Variants in EYS observed in about 807,000 individuals in gnomAD.
The protein encoded by EYS is EGF-like photoreceptor maintenance factor, also known as protein eyes shut homolog.
In EYS, 250 loss-of-function variants were observed where a neutral mutation model predicts 282.1. The ratio of observed to expected loss-of-function variants is 0.89; its 90% CI spans 0.80 to 0.98. The LOEUF (loss-of-function observed/expected upper bound fraction) is 0.98, where lower values mean the gene tolerates loss of function less well. EYS is among the 50% of genes least tolerant of loss of function. The pLI, the probability that EYS is intolerant of heterozygous loss-of-function variation, is 0.00. For missense variants in EYS, 4,016 were observed against 3,709.0 expected (o/e 1.08, Z -2.15); for synonymous variants, 1,355 against 1,282.9 (o/e 1.06, Z -1.20).
chr6:65,706,687 T>A (rs996993949), intron 1 of EYS, among the ~76,000 whole-genome samples: 1 of 152,122 alleles, frequency 6.6e-6, no homozygotes, highest in Admixed American at 6.6e-5. Flanking sequence ...AGTATGAGTA[T>A]CTCTAGATTT....
intron 15 of EYS, among the ~76,000 whole-genome samples, chr6:64,927,691 A>G (rs1219975767): frequency 1.3e-5 from 2 of 152,100 alleles, no homozygotes; most frequent in African/African-American, 4.8e-5. Flanking sequence ...TTGAAAAGCC[A>G]ACTGATCTAT....
chr6:65,354,702 G>A (rs979297116), intron 8 of EYS, among the ~76,000 whole-genome samples: 23 of 151,822 alleles, frequency 1.5e-4, no homozygotes, highest in African/African-American at 4.8e-4. Context: ...CTGTAATCCC[G>A]CCTACTCTGG....
intron 5 of EYS, among the ~76,000 whole-genome samples, chr6:65,421,894 C>A (rs550450823): frequency 6.6e-6 from 1 of 151,864 alleles, no homozygotes; most frequent in East Asian, 1.9e-4. Flanking sequence ...TGGTGGTGTT[C>A]CAAAGCAATT....
intron 36 of EYS, among the ~76,000 whole-genome samples, chr6:63,831,753 C>T (rs142174906): frequency 0.027 from 4,066 of 152,268 alleles, 60 homozygotes; most frequent in South Asian, 0.036. Context: ...CCCAAATCAA[C>T]AGAATATACA....
At chr6:63,733,656 A>G (rs1014806260) in intron 41 of EYS, among the ~76,000 whole-genome samples, 4 of 152,174 alleles carry the variant, frequency 2.6e-5, no homozygotes, top group African/African-American at 9.7e-5. Context: ...AGACAAAGGA[A>G]AGTTTATTAC....
intron 22 of EYS, among the ~76,000 whole-genome samples, chr6:64,803,642 G>A (rs12523929): frequency 0.45 from 68,362 of 152,012 alleles, 16,860 homozygotes; most frequent in Admixed American, 0.63. Context: ...GTGGAGGGGC[G>A]TCTGCAGGTC....
chr6:65,295,650 C>G, intron 12 of EYS: 1 of 549,802 alleles, frequency 1.8e-6, no homozygotes, highest in Non-Finnish European at 3.2e-6. Flanking sequence ...GTCTTATTTG[C>G]ATGAGCAAGG....
chr6:64,504,801 G>A (rs1363327811), intron 26 of EYS, among the ~76,000 whole-genome samples: 1 of 152,174 alleles, frequency 6.6e-6, no homozygotes, highest in Non-Finnish European at 1.5e-5. Flanking sequence ...GAAGTTCCAT[G>A]TGGCTAGTAA....
chr6:64,960,656 C>A (rs1344848162), intron 14 of EYS, among the ~76,000 whole-genome samples: 3 of 152,072 alleles, frequency 2.0e-5, no homozygotes, highest in Non-Finnish European at 4.4e-5. Flanking sequence ...TTCTTTTTAA[C>A]TTTTATATTA....
At chr6:65,241,147 T>C (rs550244652) in intron 12 of EYS, among the ~76,000 whole-genome samples, 1 of 152,184 alleles carries the variant, frequency 6.6e-6, no homozygotes, top group African/African-American at 2.4e-5. Context: ...AGATCTTATA[T>C]ATAGTTATTT....
At chr6:65,247,760 A>T (rs1341265579) in intron 12 of EYS, among the ~76,000 whole-genome samples, 1 of 152,082 alleles carries the variant, frequency 6.6e-6, no homozygotes, top group African/African-American at 2.4e-5. Context: ...ATCACTCCAA[A>T]TTATTTTTGT....
Position 64,059,427 on chromosome 6 carries a change from T to C in EYS, c.6725+6911A>G, listed in dbSNP as rs186001011. On this transcript the variant is annotated intron_variant, in intron 33 of 42. Coordinates refer to ENST00000503581, the MANE Select transcript of EYS (RefSeq NM_001142800.2). Reference sequence around the variant, plus strand: ...TTACAGAGTCAAGTCACTTCAAATATGTTTTTTAAACATCAAACTGGCTGG... The same window carrying C: ...TTACAGAGTCAAGTCACTTCAAATACGTTTTTTAAACATCAAACTGGCTGG... Among the ~76,000 whole-genome samples the C allele has an allele frequency of 7.2e-5, 11 of 152,336 alleles. No individual in the cohort carries two copies. The East Asian group carries it at 2.1e-3, about 29-fold the overall frequency.
chr6:64,369,108 A>G (rs978967293), intron 29 of EYS, among the ~76,000 whole-genome samples: 9 of 152,182 alleles, frequency 5.9e-5, no homozygotes, highest in Non-Finnish European at 1.0e-4. Context: ...TCTAGTTCCA[A>G]TCTTCTGCAT....
chr6:64,488,925 T>C (rs1399573765), intron 26 of EYS, among the ~76,000 whole-genome samples: 1 of 150,998 alleles, frequency 6.6e-6, no homozygotes, highest in Non-Finnish European at 1.5e-5. Context: ...GCCAGGCACA[T>C]AGTAAACCTT....
At chr6:64,293,979 T>C (rs181028564) in intron 30 of EYS, among the ~76,000 whole-genome samples, 3 of 152,248 alleles carry the variant, frequency 2.0e-5, no homozygotes, top group East Asian at 1.9e-4. Context: ...TAAGCAAATA[T>C]GTGATAATAA....
intron 22 of EYS, among the ~76,000 whole-genome samples, chr6:64,627,011 A>C (rs747079905): frequency 3.9e-5 from 6 of 152,158 alleles, no homozygotes; most frequent in Non-Finnish European, 8.8e-5. Flanking sequence ...ACTTCCTCTT[A>C]ATTTTTAGGG....
At position 64,591,353 on chromosome 6, in the gene EYS, A is replaced by G. The variant is rs972971492; in HGVS notation, c.4514T>C (p.Val1505Ala). 1.9e-6 allele frequency: 3 copies of G among 1,551,200 alleles called. No homozygotes were observed. The highest frequency in any genetic ancestry group is 1.4e-5 in the African/African-American group (1 of 73,002). Residue 1505 changes from valine (V) to alanine (A), a missense_variant, in exon 26 of 43, where the codon GTA becomes GCA. Coordinates refer to ENST00000503581, the MANE Select transcript of EYS (RefSeq NM_001142800.2). ...FPAKVIISKQ[V>A]TILNSSALHR... ...CAGAGCTGATGAGTTTAAGATGGTT[A>G]CCTGTTTAGATATAATTACCTTAGC...
intron 35 of EYS, among the ~76,000 whole-genome samples, chr6:63,930,249 ATTAT>A (rs1684599952): frequency 6.6e-6 from 1 of 151,932 alleles, no homozygotes; most frequent in Non-Finnish European, 1.5e-5. Context: ...ATATACAATT[ATTAT>A]TTGTCAATTA....
intron 26 of EYS, among the ~76,000 whole-genome samples, chr6:64,448,242 C>T (rs536423564): frequency 4.1e-4 from 63 of 152,318 alleles, no homozygotes; most frequent in African/African-American, 1.4e-3. Flanking sequence ...CCTATGCCCA[C>T]GGAGCCTTGC....
Sources: gnomAD v4.1 joint callset for allele counts (sites outside exome capture counted in the v4.1 genomes callset) on GRCh38, gnomAD v4.1.1 for gene constraint, MANE v1.5 for transcripts, NCBI Gene and HGNC (gene_info 2026-07-23, HGNC 2026-07-21) for gene names.